The following ZNF836 variants were observed in gnomAD, a reference collection of about 807,000 sequenced individuals.
ZNF836 encodes zinc finger protein 836.
ZNF836 carries 12 observed loss-of-function variants against 7.4 expected under a neutral mutation model. The observed-to-expected ratio is 1.61, with a 90% confidence interval of 1.03 to 2.61. The LOEUF is 2.61. ZNF836 is among the 30% of genes most tolerant of loss of function. ZNF836 has a pLI of 0.00. For synonymous variants in ZNF836, 365 were observed against 382.6 expected, an observed-to-expected ratio of 0.95 and a Z score of 0.54; for missense variants, 998 against 1,126.2, an observed-to-expected ratio of 0.89 and a Z score of 1.63.
Position 52,155,468 on chromosome 19 carries a change from A to G in ZNF836, c.2215T>C (p.Tyr739His), listed in dbSNP as rs1446550203. ...TCTCCAGTATGCCTTCTCTGATGGT[A>G]CGTCAGGCCTGTTATATGACTAAAA... ...RTFSHITGLT[Y>H]HQRRHTGEMP... Residue 739 changes from tyrosine (Y) to histidine (H), a missense_variant, in exon 5 of 5, where the codon TAC becomes CAC. Tyr to His is a moderately conservative substitution (Grantham distance 83). Coordinates refer to ENST00000682614, the MANE Select transcript of ZNF836 (RefSeq NM_001102657.3). The G allele has an allele frequency of 1.1e-5, 18 of 1,613,852 alleles. No individual in the cohort carries two copies. Among genetic ancestry groups the G allele is most frequent in the Non-Finnish European group, 1.4e-5 (17 of 1,179,926 alleles).
chr19:52,167,940 T>C, intron 3 of ZNF836, 118 bp downstream of exon 3: 1 of 753,936 alleles, frequency 1.3e-6, no homozygotes, highest in Admixed American at 2.1e-5. Context: ...AAGGCATGGG[T>C]GAATGGCAGC....
chr19:52,160,259 G>A, intron 4 of ZNF836: 1 of 623,826 alleles, frequency 1.6e-6, no homozygotes, highest in South Asian at 2.0e-5. Context: ...AAGGGCACAG[G>A]ACAACAAGGG....
intron 3 of ZNF836, among the ~76,000 whole-genome samples, chr19:52,165,863 T>C (rs543791242): frequency 2.0e-5 from 3 of 152,382 alleles, no homozygotes; most frequent in African/African-American, 7.2e-5. Flanking sequence ...TTCCATTTCA[T>C]TAATTTGTAG....
intron 3 of ZNF836, chr19:52,165,205 C>T (rs1464605046): frequency 6.6e-6 from 1 of 152,136 alleles, no homozygotes; most frequent in Non-Finnish European, 1.5e-5. Flanking sequence ...TAAAGGAAAA[C>T]ATTTATTTAT....
chr19:52,159,921 C>T (rs1306009913), intron 4 of ZNF836, among the ~76,000 whole-genome samples: 3 of 152,184 alleles, frequency 2.0e-5, no homozygotes, highest in Middle Eastern at 3.4e-3. Flanking sequence ...TGGTGACTCA[C>T]GCCTGTAATC....
Position 52,157,508 on chromosome 19 carries a change from G to T in ZNF836, c.175C>A (p.Pro59Thr), listed in dbSNP as rs1314457202. The T allele has an allele frequency of 6.5e-7, 1 of 1,545,676 alleles. No homozygotes were observed. The highest frequency in any genetic ancestry group is 2.3e-5 in the East Asian group (1 of 44,318). Residue 59 changes from proline (P) to threonine (T), a missense_variant, in exon 5 of 5, where the codon CCA becomes ACA. Coordinates refer to ENST00000682614, the MANE Select transcript of ZNF836 (RefSeq NM_001102657.3). ...CCTGTATTACTGTTCCCTATTGGTGGTAATTCCTTGGTCATACATTTAGGA... is the reference window on the plus strand; with the variant it reads ...CCTGTATTACTGTTCCCTATTGGTGTTAATTCCTTGGTCATACATTTAGGA... ...ILPKCMTKEL[P>T]PIGNSNTGEK...
At chr19:52,158,107 C>T (rs1201243169) in intron 4 of ZNF836, among the ~76,000 whole-genome samples, 2 of 152,124 alleles carry the variant, frequency 1.3e-5, no homozygotes, top group Non-Finnish European at 2.9e-5. Context: ...TTCAAACATT[C>T]AATGACTGAA....
intron 4 of ZNF836, among the ~76,000 whole-genome samples, chr19:52,158,316 A>G (rs73054300): frequency 0.11 from 16,359 of 152,184 alleles, 1,047 homozygotes; most frequent in East Asian, 0.32. Context: ...CAACTAATTA[A>G]TGTTCTATAT....
intron 3 of ZNF836, among the ~76,000 whole-genome samples, chr19:52,166,769 C>T (rs1288127847): frequency 2.7e-5 from 4 of 150,716 alleles, no homozygotes; most frequent in East Asian, 2.0e-4. Flanking sequence ...TTAGTAGAGA[C>T]GGGGTTTCAC....
chr19:52,162,095 C>T (rs929359599), intron 3 of ZNF836, among the ~76,000 whole-genome samples: 1 of 152,190 alleles, frequency 6.6e-6, no homozygotes, highest in African/African-American at 2.4e-5. Context: ...GAGGTTGGGT[C>T]CCAACATCCT....
chr19:52,156,703 T>C lies in ZNF836; in HGVS notation c.980A>G (p.Glu327Gly). 6.2e-7 allele frequency: 1 copy of C among 1,606,226 alleles called. No homozygotes were observed. The highest frequency in any genetic ancestry group is 8.5e-7 in the Non-Finnish European group (1 of 1,174,778). ...LAIHQRIHTG[E>G]KPYKCNECGK... ...ACACTCATTACATTTGTAAGGTTTC[T>C]CTCCAGTGTGAATTCTCTGATGTAT... The change falls in exon 5 of 5, where the codon GAG (glutamate) becomes GGG (glycine). Residue 327 changes from glutamate to glycine, a missense_variant. Glu to Gly is a moderately conservative substitution (Grantham distance 98, BLOSUM62 -2). Coordinates refer to ENST00000682614, the MANE Select transcript of ZNF836 (RefSeq NM_001102657.3).
chr19:52,158,951 T>C (rs1019936154), intron 4 of ZNF836, among the ~76,000 whole-genome samples: 3 of 152,096 alleles, frequency 2.0e-5, no homozygotes, highest in Admixed American at 6.6e-5. Context: ...AGGAACGGAA[T>C]AGGAATTTGA....
chr19:52,160,683 A>G (rs779620576), intron 3 of ZNF836, 92 bp from the exon 4 acceptor site: 2 of 1,458,470 alleles, frequency 1.4e-6, no homozygotes, highest in South Asian at 1.4e-5. Flanking sequence ...CATCAATTTG[A>G]TTGTGTGTTT....
At position 52,155,354 on chromosome 19, in the gene ZNF836, G is replaced by T. The variant is rs745382150; in HGVS notation, c.2329C>A (p.Pro777Thr). The T allele has an allele frequency of 3.1e-6, 5 of 1,614,006 alleles. No individual in the cohort carries two copies. The highest frequency in any genetic ancestry group is 2.7e-5 in the African/African-American group (2 of 74,900). Residue 777 changes from proline (P) to threonine (T), a missense_variant, in exon 5 of 5, where the codon CCT (proline) becomes ACT (threonine). Coordinates refer to ENST00000682614, the MANE Select transcript of ZNF836 (RefSeq NM_001102657.3). The stretch of plus-strand genomic sequence containing the variant: ...TTGCCACATTCATTACATTTGTAAG[G>T]TTTCTCTCCAGTGTGAATTCTCCGA... ...RHRRIHTGEK[P>T]YKCNECGKVF...
At chr19:52,160,301 A>G in intron 4 of ZNF836, 164 bp downstream of exon 4, 1 of 754,424 alleles carries the variant, frequency 1.3e-6, no homozygotes, top group Non-Finnish European at 2.2e-6. Context: ...GTGTGATGAT[A>G]TGGGAAATGA....
In ZNF836 at chr19:52,154,885, G is replaced by A; in HGVS notation, c.2798C>T (p.Ser933Phe). ...AATAAGTATGAATTATTTGAACCCA[G>A]AAGTTAGGAGAACATCTAAAGGCTT... ...VEKPLDVLLT[S>F]GFK Residue 933 changes from serine to phenylalanine, a missense_variant, in exon 5 of 5, where the codon TCT becomes TTT. Physicochemically the swap from Ser to Phe is radical, Grantham distance 155 (BLOSUM62 -2). Transcript: ENST00000682614. The A allele has an allele frequency of 2.0e-6, 3 of 1,519,266 alleles. No homozygotes were observed. The highest frequency in any genetic ancestry group is 2.6e-6 in the Non-Finnish European group (3 of 1,136,464). 94.1% of individuals were successfully genotyped at this position (1,519,266 alleles called of 1,614,324 possible).
chr19:52,155,534 T>C lies in ZNF836; in HGVS notation c.2149A>G (p.Thr717Ala), dbSNP rs775753387. ...CTACATTTGTGTGGTTTCTCCCCAG[T>C]AGGATTTCTGTGATATCTTGCAAGT... ...SKLARYHRNPTGEKPHKCSHC... is the reference protein window; with the variant it reads ...SKLARYHRNPAGEKPHKCSHC... Residue 717 changes from threonine (T) to alanine (A), a missense_variant, in exon 5 of 5, where the codon ACT becomes GCT. Transcript: ENST00000682614. 1.9e-6 allele frequency: 3 copies of C among 1,613,988 alleles called. No homozygotes were observed. Among genetic ancestry groups the C allele is most frequent in the Admixed American group, 1.7e-5 (1 of 60,020 alleles).
At chr19:52,166,988 G>A (rs1177606516) in intron 3 of ZNF836, among the ~76,000 whole-genome samples, 1 of 151,852 alleles carries the variant, frequency 6.6e-6, no homozygotes, top group African/African-American at 2.4e-5. Context: ...GTAATAACTG[G>A]TGGAATGAGA....
chr19:52,166,297 T>G lies in ZNF836; in HGVS notation c.15+1761A>C, dbSNP rs547826514. Among the ~76,000 whole-genome samples, 3 of 151,920 alleles carry G rather than the reference T, an allele frequency of 2.0e-5. No individual in the cohort carries two copies. The East Asian group carries it at 5.9e-4, about 30-fold the overall frequency. ...GAGCCACTGCGCCTGGCCAATGTCC[T>G]TTTTTAAGATTATAAATTTTTTTTT... On this transcript the variant is annotated intron_variant, in intron 3 of 4. Coordinates refer to ENST00000682614, the MANE Select transcript of ZNF836 (RefSeq NM_001102657.3).
Sources: allele counts gnomAD v4.1 joint callset (sites outside exome capture counted in the v4.1 genomes callset), GRCh38; gene constraint gnomAD v4.1.1; transcripts MANE v1.5; gene names NCBI Gene and HGNC (gene_info 2026-07-23, HGNC 2026-07-21).